CRMP1: variants seen among roughly 807,000 people sequenced by gnomAD.
CRMP1 encodes the protein dihydropyrimidinase-related protein 1.
A neutral mutation model predicts 68.3 loss-of-function variants in CRMP1; 19 were observed. The ratio of observed to expected loss-of-function variants is 0.28; its 90% confidence interval spans 0.19 to 0.41. The LOEUF (loss-of-function observed/expected upper bound fraction) is 0.41. Among genes scored for constraint, CRMP1 ranks in the 10% least tolerant of loss-of-function variants. The probability of loss-of-function intolerance (pLI) is 1.00; values close to 1 mark genes in which losing one functional copy is unlikely to be tolerated. For missense variants in CRMP1, 791 were observed against 967.4 expected, an observed-to-expected ratio of 0.82 and a Z score of 2.42; for synonymous variants, 439 against 399.6, an observed-to-expected ratio of 1.10 and a Z score of -1.18.
At chr4:5,886,465 T>C (rs571490267) in intron 1 of CRMP1, among the ~76,000 whole-genome samples, 9 of 152,340 alleles carry the variant, frequency 5.9e-5, no homozygotes, top group Non-Finnish European at 2.9e-5. Context: ...CCCAGCTCCA[T>C]CGGCTGGAAA....
At chr4:5,833,936 C>A (rs1720550221) in intron 11 of CRMP1, among the ~76,000 whole-genome samples, 1 of 152,174 alleles carries the variant, frequency 6.6e-6, no homozygotes, top group African/African-American at 2.4e-5. Context: ...GTCCCAGCTA[C>A]TCGGGAGGCT....
chr4:5,884,482 G>GCACACA (rs59746322), intron 1 of CRMP1, among the ~76,000 whole-genome samples: 3 of 150,192 alleles, frequency 2.0e-5, no homozygotes, highest in South Asian at 2.1e-4. Context: ...AACTATGCAT[G>GCACACA]CACACACACA....
rs752604466 is a variant in CRMP1 at position 5,835,989 on chromosome 4, C to T, written c.1549G>A (p.Val517Met). 12 of 1,604,260 alleles carry T rather than the reference C, an allele frequency of 7.5e-6. No homozygotes were observed. The highest frequency in any genetic ancestry group is 1.3e-5 in the African/African-American group (1 of 74,494). ...NLYPRKGRIA[V>M]GSDADVVIWD... The stretch of plus-strand genomic sequence containing the variant: ...ATGACCACGTCGGCATCCGAGCCCA[C>T]GGCAATCCGCCCTTTCCTTGGGTAC... The change falls in exon 11 of 14, where the codon GTG (valine) becomes ATG (methionine). Residue 517 changes from valine to methionine, a missense_variant. Around this residue, in one of 3 missense-constraint regions of CRMP1, gnomAD observed 594 missense variants for 763.6 expected, o/e 0.78. Transcript: ENST00000324989.
chr4:5,856,848 C>T (rs1713109159), intron 3 of CRMP1, among the ~76,000 whole-genome samples: 1 of 136,844 alleles, frequency 7.3e-6, no homozygotes, highest in Non-Finnish European at 1.6e-5. Flanking sequence ...TCACCACTAT[C>T]ATTGTCACCC....
intron 13 of CRMP1, among the ~76,000 whole-genome samples, chr4:5,822,427 GTGTGCA>G (rs201896949): frequency 0.014 from 2,109 of 151,252 alleles, 27 homozygotes; most frequent in South Asian, 0.04. Flanking sequence ...GTGCATATGT[GTGTGCA>G]TGTGCATGTG....
Position 5,824,897 on chromosome 4 carries a change from A to ATT in CRMP1, c.1969+596_1969+597insAA, listed in dbSNP as rs1430946929. ...AGATACACTGCCCTGAGACCTTAAG[A>ATT]AAGTCAGGAGGGATCAGGTCAACAT... On this transcript the variant is annotated intron_variant, in intron 13 of 13. Coordinates refer to ENST00000324989, the MANE Select transcript of CRMP1 (RefSeq NM_001014809.3). The ATT allele has an allele frequency of 5.2e-5, 51 of 985,264 alleles. No individual in the cohort carries two copies. The South Asian group carries it at 2.1e-3, about 41-fold the overall frequency. The allele number at this position is 985,264 out of a possible 1,614,324, so 61.0% of individuals were successfully genotyped here.
chr4:5,824,359 TA>T, intron 13 of CRMP1: 5 of 985,372 alleles, frequency 5.1e-6, no homozygotes, highest in Non-Finnish European at 3.6e-6. Flanking sequence ...ATCAAAGTCT[TA>T]TGGAGAGTGA....
intron 11 of CRMP1, among the ~76,000 whole-genome samples, chr4:5,829,562 C>A (rs1053994071): frequency 2.0e-5 from 3 of 152,164 alleles, no homozygotes; most frequent in African/African-American, 4.8e-5. Context: ...AAAGGTAAGT[C>A]TGTGTTCTAC....
Position 5,853,889 on chromosome 4 carries a change from T to C in CRMP1, c.820+2254A>G, listed in dbSNP as rs538989603. Among the ~76,000 whole-genome samples, 2 of 152,350 alleles carry C rather than the reference T, an allele frequency of 1.3e-5. No homozygotes were observed. The highest frequency in any genetic ancestry group is 2.1e-4 in the South Asian group (1 of 4,830). On this transcript the variant is annotated intron_variant, in intron 4 of 13. Coordinates refer to ENST00000324989, the MANE Select transcript of CRMP1 (RefSeq NM_001014809.3). The surrounding 1 kb of genome is among the most constrained non-coding windows in gnomAD (Gnocchi z 4.7). The stretch of plus-strand genomic sequence containing the variant: ...TGTGGAATCTAAAAAGTTGATTTCA[T>C]AGAAGCATACAAAGTTGAAAGGTTG...
Position 5,841,227 on chromosome 4 carries a change from G to A in CRMP1, c.1153+81C>T, listed in dbSNP as rs998013041. On this transcript the variant is annotated intron_variant, in intron 8 of 13. Coordinates refer to ENST00000324989, the MANE Select transcript of CRMP1 (RefSeq NM_001014809.3). The surrounding 1 kb of genome is among the most constrained non-coding windows in gnomAD (Gnocchi z 6.9). ...CTCCTCCGGCTGCCTGTCTGAGTTCGGGAGGGAGTGAACTTGAACCTGCAG... is the reference window on the plus strand; with the variant it reads ...CTCCTCCGGCTGCCTGTCTGAGTTCAGGAGGGAGTGAACTTGAACCTGCAG... The A allele has an allele frequency of 3.0e-5, 48 of 1,607,564 alleles. No individual in the cohort carries two copies. Among genetic ancestry groups the A allele is most frequent in the African/African-American group, 5.3e-5 (4 of 74,768 alleles).
chr4:5,857,075 C>A (rs970767165), intron 3 of CRMP1, among the ~76,000 whole-genome samples: 11 of 140,142 alleles, frequency 7.8e-5, no homozygotes, highest in African/African-American at 3.1e-4. Flanking sequence ...CCCACCATCA[C>A]CACCACCACC....
At chr4:5,824,449 T>G in intron 13 of CRMP1, 2 of 985,356 alleles carry the variant, frequency 2.0e-6, no homozygotes, top group Non-Finnish European at 2.4e-6. Flanking sequence ...GGATAAGAGG[T>G]TCTGCCACCA....
chr4:5,824,398 T>G (rs1260033242), intron 13 of CRMP1: 1 of 985,266 alleles, frequency 1.0e-6, no homozygotes, highest in African/African-American at 1.7e-5. Context: ...CCTTGATTCA[T>G]GCCTCCTCGG....
At chr4:5,822,832 AACGT>A (rs1479701917) in intron 13 of CRMP1, among the ~76,000 whole-genome samples, 1 of 152,156 alleles carries the variant, frequency 6.6e-6, no homozygotes, top group Non-Finnish European at 1.5e-5. Flanking sequence ...CTAACAGAAA[AACGT>A]AAGTAAGTTA....
chr4:5,870,547 T>C lies in CRMP1; in HGVS notation c.382-3791A>G, dbSNP rs922420134. ...TTTCTTCACTGCTGTCTCTCCGGCA[T>C]CTTGGACACAGCCTGGCTGGCTGCC... On this transcript the variant is annotated intron_variant, in intron 1 of 13. Transcript: ENST00000324989. The surrounding 1 kb of genome is among the most constrained non-coding windows in gnomAD (Gnocchi z 6.0). 2.6e-5 allele frequency among the ~76,000 whole-genome samples: 4 copies of C among 152,228 alleles called. No homozygotes were observed. The highest frequency in any genetic ancestry group is 5.9e-5 in the Non-Finnish European group (4 of 68,046).
rs1477156165 is a variant in CRMP1, at chr4:5,861,986, G to C, written c.471-776C>G. Among the ~76,000 whole-genome samples the C allele has an allele frequency of 6.6e-6, 1 of 152,228 alleles. No homozygotes were observed. Among genetic ancestry groups the C allele is most frequent in the Non-Finnish European group, 1.5e-5 (1 of 68,044 alleles). On this transcript the variant is annotated intron_variant, in intron 2 of 13. Coordinates refer to ENST00000324989, the MANE Select transcript of CRMP1 (RefSeq NM_001014809.3). The surrounding 1 kb of genome is among the most constrained non-coding windows in gnomAD (Gnocchi z 6.0). Reference sequence around the variant, plus strand: ...AGTGCAGCTCTAGACAGAATCCACAGCCAGGCAGCCAAGACAGCAGCCTCT... The same window carrying C: ...AGTGCAGCTCTAGACAGAATCCACACCCAGGCAGCCAAGACAGCAGCCTCT...
chr4:5,887,873 G>A (rs866503596), intron 1 of CRMP1: 3 of 942,548 alleles, frequency 3.2e-6, no homozygotes, highest in Non-Finnish European at 3.8e-6. Context: ...ACCCCCGCGC[G>A]AGGCCTGCGG....
At chr4:5,876,107 C>A (rs879782796) in intron 1 of CRMP1, among the ~76,000 whole-genome samples, 12 of 151,118 alleles carry the variant, frequency 7.9e-5, no homozygotes, top group Non-Finnish European at 1.6e-4. Flanking sequence ...GAGCCGAGAT[C>A]ACGTCACTGC....
At chr4:5,868,270 T>TATATATATATCTATATATAG in intron 1 of CRMP1, among the ~76,000 whole-genome samples, 2 of 17,664 alleles carry the variant, frequency 1.1e-4, no homozygotes, top group African/African-American at 3.2e-4. Context: ...TCTATATATA[T>TATATATATATCTATATATAG]ATATATATAT....
Sources: gnomAD v4.1 joint callset for allele counts (sites outside exome capture counted in the v4.1 genomes callset) on GRCh38, gnomAD v4.1.1 for gene constraint, gnomAD v4.1.1 regional missense constraint, Gnocchi (gnomAD v3.1) non-coding constraint, MANE v1.5 for transcripts, NCBI Gene and HGNC (gene_info 2026-07-23, HGNC 2026-07-21) for gene names.